Variants in CLPSL1 observed in about 807,000 individuals in gnomAD.
CLPSL1 encodes colipase-like protein 1.
CLPSL1 carries 13 observed loss-of-function variants against 9.3 expected under a neutral mutation model. The observed-to-expected ratio is 1.40, with a 90% CI of 0.91 to 2.22. The LOEUF (loss-of-function observed/expected upper bound fraction) is 2.22. Ranked by LOEUF, CLPSL1 falls within the 30% of genes most tolerant of loss-of-function variation. The probability of loss-of-function intolerance (pLI) is 0.00; values close to 1 mark genes in which losing one functional copy is unlikely to be tolerated. For synonymous variants in CLPSL1, 58 were observed against 56.9 expected (o/e 1.02, Z -0.08); for missense variants, 164 against 146.6 (o/e 1.12, Z -0.61).
intron 1 of CLPSL1, among the ~76,000 whole-genome samples, chr6:35,783,769 C>G (rs1768015606): frequency 6.8e-6 from 1 of 146,274 alleles, no homozygotes; most frequent in South Asian, 2.1e-4. Flanking sequence ...GATCGCACCA[C>G]TGCATTCCAG....
intron 1 of CLPSL1, among the ~76,000 whole-genome samples, chr6:35,785,288 C>T (rs1433114045): frequency 6.6e-6 from 1 of 151,292 alleles, no homozygotes; most frequent in African/African-American, 2.4e-5. Flanking sequence ...CGCCATTCTC[C>T]TGCCTCAGCC....
chr6:35,788,248 G>A, downstream of CLPSL1: 2 of 515,380 alleles, frequency 3.9e-6, no homozygotes, highest in East Asian at 8.4e-5. Flanking sequence ...GAGGAAGCAG[G>A]AAGGGACACT....
At chr6:35,788,604 G>A (rs1265825134), downstream of CLPSL1, among the ~76,000 whole-genome samples, 1 of 152,258 alleles carries the variant, frequency 6.6e-6, no homozygotes, top group African/African-American at 2.4e-5. Flanking sequence ...GTAGGGAAAC[G>A]GGTTGAGCAA....
intron 1 of CLPSL1, among the ~76,000 whole-genome samples, chr6:35,786,217 A>G (rs1175765921): frequency 6.6e-6 from 1 of 152,224 alleles, no homozygotes. Context: ...ACGCCACTGC[A>G]TACCAGCCTG....
chr6:35,782,950 CTTATTG>C (rs1381075758), intron 1 of CLPSL1, among the ~76,000 whole-genome samples: 1 of 152,028 alleles, frequency 6.6e-6, no homozygotes, highest in Non-Finnish European at 1.5e-5. Context: ...ATAAATATTA[CTTATTG>C]TTATGTATAT....
At chr6:35,783,504 T>C (rs1285043264) in intron 1 of CLPSL1, among the ~76,000 whole-genome samples, 10 of 148,994 alleles carry the variant, frequency 6.7e-5, no homozygotes, top group East Asian at 3.9e-4. Context: ...AGTGAGACTT[T>C]GTCTCAAAAA....
At chr6:35,791,253 G>T (rs1462870143), downstream of CLPSL1, among the ~76,000 whole-genome samples, 1 of 152,262 alleles carries the variant, frequency 6.6e-6, no homozygotes, top group Non-Finnish European at 1.5e-5. Flanking sequence ...GATGCTCCTT[G>T]ACTTACGATG....
At chr6:35,785,181 T>A (rs1254941513) in intron 1 of CLPSL1, among the ~76,000 whole-genome samples, 4 of 148,102 alleles carry the variant, frequency 2.7e-5, no homozygotes, top group African/African-American at 1.0e-4. Context: ...GAAATTTTTT[T>A]TTTTTTTTTT....
chr6:35,793,998 T>G (rs1179103446), downstream of CLPSL1, among the ~76,000 whole-genome samples: 1 of 152,256 alleles, frequency 6.6e-6, no homozygotes, highest in African/African-American at 2.4e-5. Context: ...CCCATTTTTC[T>G]TAATGCGAAT....
chr6:35,792,721 A>C (rs1455283528), downstream of CLPSL1, among the ~76,000 whole-genome samples: 1 of 152,274 alleles, frequency 6.6e-6, no homozygotes, highest in Non-Finnish European at 1.5e-5. Context: ...CATTTTCCTT[A>C]TGCCCCCCAC....
At chr6:35,786,609 A>G (rs1768077191) in intron 1 of CLPSL1, among the ~76,000 whole-genome samples, 1 of 152,060 alleles carries the variant, frequency 6.6e-6, no homozygotes. Flanking sequence ...TGATGTGTGT[A>G]GGGGGAGGGG....
downstream of CLPSL1, among the ~76,000 whole-genome samples, chr6:35,793,829 A>G (rs1325130865): frequency 6.6e-6 from 1 of 152,232 alleles, no homozygotes. Context: ...TCTCTGTGGG[A>G]ATCTCCTCTC....
intron 1 of CLPSL1, among the ~76,000 whole-genome samples, chr6:35,793,262 A>G (rs1253041529): frequency 1.1e-4 from 16 of 152,258 alleles, no homozygotes; most frequent in South Asian, 6.2e-4. Context: ...TGTCTCTACT[A>G]AAAATGCAAA....
downstream of CLPSL1, among the ~76,000 whole-genome samples, chr6:35,790,377 C>T (rs888675585): frequency 2.6e-5 from 4 of 152,242 alleles, no homozygotes; most frequent in East Asian, 3.8e-4. Context: ...GGGGAAGATA[C>T]GTTGCTGACA....
At chr6:35,788,510 G>A (rs1164768926), downstream of CLPSL1, among the ~76,000 whole-genome samples, 1 of 152,276 alleles carries the variant, frequency 6.6e-6, no homozygotes, top group Non-Finnish European at 1.5e-5. Context: ...GTTAGGGGCC[G>A]CTCTAGCTGC....
downstream of CLPSL1, among the ~76,000 whole-genome samples, chr6:35,793,907 C>T (rs2817013): frequency 4.6e-5 from 7 of 152,118 alleles, no homozygotes; most frequent in Non-Finnish European, 1.0e-4. Context: ...CTCAGTACTG[C>T]CTAAGGTAAC....
At chr6:35,793,774 G>T, downstream of CLPSL1, 1 of 353,504 alleles carries the variant, frequency 2.8e-6, no homozygotes, top group Non-Finnish European at 5.6e-6. Context: ...CAAGATCCTG[G>T]GGCTGGGACG....
intron 1 of CLPSL1, among the ~76,000 whole-genome samples, chr6:35,783,734 G>A (rs576174081): frequency 6.6e-6 from 1 of 151,390 alleles, no homozygotes; most frequent in East Asian, 1.9e-4. Context: ...CGTGAACCTG[G>A]GAGGCACAGC....
chr6:35,793,641 T>C (rs1222423433), exon 2 of CLPSL1: 1 of 464,208 alleles, frequency 2.2e-6, no homozygotes, highest in African/African-American at 2.0e-5. Context: ...TTTGGATTCA[T>C]GAGAAATATA....
Sources: allele counts gnomAD v4.1 joint callset (sites outside exome capture counted in the v4.1 genomes callset), GRCh38; gene constraint gnomAD v4.1.1; transcripts MANE v1.5; gene names NCBI Gene and HGNC (gene_info 2026-07-23, HGNC 2026-07-21).